Variants in GRAMD1B observed in about 807,000 individuals in gnomAD.
GRAMD1B encodes protein Aster-B.
In GRAMD1B, 37 loss-of-function variants were observed where a neutral mutation model predicts 99.7. That is an observed-to-expected ratio of 0.37 (90% confidence interval 0.29 to 0.49). GRAMD1B has a LOEUF of 0.49. GRAMD1B is among the 20% of genes least tolerant of loss of function. The probability of loss-of-function intolerance (pLI) is 0.98; values close to 1 mark genes in which losing one functional copy is unlikely to be tolerated. For missense variants in GRAMD1B, 888 were observed against 1,009.2 expected (o/e 0.88, Z 1.63); for synonymous variants, 427 against 387.6 (o/e 1.10, Z -1.19).
chr11:123,551,610 G>A (rs1945623434), intron 2 of GRAMD1B, among the ~76,000 whole-genome samples: 1 of 152,142 alleles, frequency 6.6e-6, no homozygotes, highest in Non-Finnish European at 1.5e-5. Context: ...TTGTATATGT[G>A]ATTATTTAGT....
intron 1 of GRAMD1B, among the ~76,000 whole-genome samples, chr11:123,420,422 G>A (rs900541008): frequency 1.3e-5 from 2 of 152,198 alleles, no homozygotes; most frequent in East Asian, 3.8e-4. Flanking sequence ...ATGAGAAACT[G>A]ATTATGTGGC....
intron 1 of GRAMD1B, among the ~76,000 whole-genome samples, chr11:123,472,170 G>C (rs1320260996): frequency 6.6e-6 from 1 of 151,450 alleles, no homozygotes; most frequent in Admixed American, 6.6e-5. Context: ...AGAGGTTGCA[G>C]TGAGCCAAGA....
At position 123,408,416 on chromosome 11, in the gene GRAMD1B, G is replaced by A. The variant is rs116762944; in HGVS notation, c.-176+49617G>A. Among the ~76,000 whole-genome samples the A allele has an allele frequency of 8.3e-3, 1,271 of 152,294 alleles. 17 individuals carry two copies. The highest frequency in any genetic ancestry group is 0.029 in the African/African-American group (1,221 of 41,546). ...ATTGTTCTTACTTTGTGTAGACACAGGATCTAGGTTATGTTAAAACGAGTA... is the reference window on the plus strand; with the variant it reads ...ATTGTTCTTACTTTGTGTAGACACAAGATCTAGGTTATGTTAAAACGAGTA... On this transcript the variant is annotated intron_variant, in intron 1 of 20. Transcript: ENST00000638157.
chr11:123,467,393 CCT>C (rs1950736587), intron 1 of GRAMD1B, among the ~76,000 whole-genome samples: 1 of 81,490 alleles, frequency 1.2e-5, no homozygotes, highest in African/African-American at 4.4e-5. Context: ...GTTTTCAACA[CCT>C]TTTTTTTTTT....
At chr11:123,487,055 T>A (rs1002160706) in intron 2 of GRAMD1B, among the ~76,000 whole-genome samples, 1 of 152,118 alleles carries the variant, frequency 6.6e-6, no homozygotes, top group African/African-American at 2.4e-5. Context: ...GATGACAGAG[T>A]GAGACTCTGT....
At chr11:123,371,944 A>T (rs1490850881) in intron 1 of GRAMD1B, among the ~76,000 whole-genome samples, 2 of 152,212 alleles carry the variant, frequency 1.3e-5, no homozygotes, top group African/African-American at 4.8e-5. Flanking sequence ...AAAAGAACAC[A>T]GGTCTCTAGG....
At chr11:123,506,566 A>G (rs1292827737) in intron 2 of GRAMD1B, among the ~76,000 whole-genome samples, 1 of 152,180 alleles carries the variant, frequency 6.6e-6, no homozygotes, top group Admixed American at 6.5e-5. Flanking sequence ...GCAAAATGAA[A>G]TGAGCCTAAG....
chr11:123,617,328 T>C (rs1954565772), intron 17 of GRAMD1B, among the ~76,000 whole-genome samples: 1 of 151,950 alleles, frequency 6.6e-6, no homozygotes, highest in South Asian at 2.1e-4. Context: ...GGACCACAGG[T>C]GCATGTCACC....
At chr11:123,516,749 C>A (rs1362355630) in intron 2 of GRAMD1B, among the ~76,000 whole-genome samples, 1 of 152,188 alleles carries the variant, frequency 6.6e-6, no homozygotes, top group Non-Finnish European at 1.5e-5. Context: ...AGATAAGCGT[C>A]TCTTAGAGAC....
At chr11:123,490,775 A>G (rs1484534895) in intron 2 of GRAMD1B, among the ~76,000 whole-genome samples, 1 of 152,136 alleles carries the variant, frequency 6.6e-6, no homozygotes. Flanking sequence ...AGAGTTTTAG[A>G]GGAGGCAAGA....
chr11:123,394,662 TTATG>T (rs1219866370), intron 1 of GRAMD1B, among the ~76,000 whole-genome samples: 1 of 152,242 alleles, frequency 6.6e-6, no homozygotes, highest in Admixed American at 6.5e-5. Context: ...TGGTAGTTAT[TTATG>T]TACCTGTCTT....
intron 2 of GRAMD1B, among the ~76,000 whole-genome samples, chr11:123,545,713 G>T (rs1405429856): frequency 4.6e-5 from 7 of 151,516 alleles, no homozygotes; most frequent in African/African-American, 1.7e-4. Context: ...CTGCCTCATT[G>T]ATAAGAGTAT....
At chr11:123,608,010 C>T (rs537104033) in intron 11 of GRAMD1B, 3 of 155,462 alleles carry the variant, frequency 1.9e-5, no homozygotes, top group Non-Finnish European at 4.3e-5. Context: ...AGCCCTCCCA[C>T]ACCTTGCTCT....
chr11:123,539,679 C>T (rs188627961), intron 2 of GRAMD1B, among the ~76,000 whole-genome samples: 1 of 152,318 alleles, frequency 6.6e-6, no homozygotes, highest in Non-Finnish European at 1.5e-5. Flanking sequence ...CCCTGAACGG[C>T]ATGCAGGGTG....
At position 123,610,376 on chromosome 11, in the gene GRAMD1B, G is replaced by C; in HGVS notation, c.1919+38G>C. On this transcript the variant is annotated intron_variant, in intron 14 of 19. Coordinates refer to ENST00000635736, the MANE Select transcript of GRAMD1B (RefSeq NM_001387025.1). This position sits in a 1 kb window ranked among gnomAD's most constrained non-coding sequence, Gnocchi z 4.1. ...GAAGTCCCAGTGCGGTCAGACGGGGGTCCTTACCTTAGAGAACATTCATTT... is the reference window on the plus strand; with the variant it reads ...GAAGTCCCAGTGCGGTCAGACGGGGCTCCTTACCTTAGAGAACATTCATTT... 1 of 1,605,694 alleles carries C rather than the reference G, an allele frequency of 6.2e-7. No individual in the cohort carries two copies. Among genetic ancestry groups the C allele is most frequent in the African/African-American group, 1.3e-5 (1 of 74,896 alleles).
At chr11:123,358,616 G>A (rs1946034169) in exon 1 of GRAMD1B, 3 of 152,326 alleles carry the variant, frequency 2.0e-5, no homozygotes, top group Admixed American at 1.3e-4. Context: ...GCTCGGGTTT[G>A]GGTGTCCTCA....
intron 2 of GRAMD1B, among the ~76,000 whole-genome samples, chr11:123,519,545 T>A (rs1333371599): frequency 6.6e-6 from 1 of 152,248 alleles, no homozygotes. Flanking sequence ...CAACGCCTGA[T>A]GACTCCCCTG....
chr11:123,439,119 T>C (rs1298593050), intron 1 of GRAMD1B, among the ~76,000 whole-genome samples: 2 of 152,174 alleles, frequency 1.3e-5, no homozygotes, highest in African/African-American at 4.8e-5. Context: ...TAGCTTCTTA[T>C]TGTCTTGGGG....
chr11:123,596,115 G>C (rs780631082), intron 7 of GRAMD1B, 78 bp downstream of exon 7: 1 of 782,292 alleles, frequency 1.3e-6, no homozygotes, highest in Non-Finnish European at 2.1e-6. Context: ...TTCTTGAATC[G>C]CATGAATGTG....
Sources: gnomAD v4.1 joint callset for allele counts (sites outside exome capture counted in the v4.1 genomes callset) on GRCh38, gnomAD v4.1.1 for gene constraint, Gnocchi (gnomAD v3.1) non-coding constraint, MANE v1.5 for transcripts, NCBI Gene and HGNC (gene_info 2026-07-23, HGNC 2026-07-21) for gene names.